DIAPH3: variants seen among roughly 807,000 people sequenced by gnomAD.
DIAPH3 encodes protein diaphanous homolog 3.
A neutral mutation model predicts 144.3 loss-of-function variants in DIAPH3; 117 were observed. The observed-to-expected ratio is 0.81, with a 90% CI of 0.70 to 0.95. The LOEUF (loss-of-function observed/expected upper bound fraction) is 0.95. DIAPH3 is among the 40% of genes least tolerant of loss of function. The pLI is 0.00. For synonymous variants in DIAPH3, 519 were observed against 488.9 expected, an observed-to-expected ratio of 1.06 and a Z score of -0.81; for missense variants, 1,421 against 1,412.7, an observed-to-expected ratio of 1.01 and a Z score of -0.09.
At chr13:60,029,354 C>A (rs541969968) in intron 5 of DIAPH3, among the ~76,000 whole-genome samples, 2 of 152,086 alleles carry the variant, frequency 1.3e-5, no homozygotes, top group Non-Finnish European at 2.9e-5. Context: ...CTATCTCACA[C>A]CTTCTTGTCC....
intron 27 of DIAPH3, among the ~76,000 whole-genome samples, chr13:59,738,900 C>A (rs956675641): frequency 1.3e-5 from 2 of 152,196 alleles, no homozygotes; most frequent in African/African-American, 4.8e-5. Context: ...ATCATCTGTC[C>A]ATAAAAACTT....
Position 59,970,971 on chromosome 13 carries a change from G to GT in DIAPH3, c.1839dup (p.Pro614ThrfsTer28), listed in dbSNP as rs762200908. On this transcript the variant is annotated frameshift_variant, in exon 16 of 28. Coordinates refer to ENST00000400324, the MANE Select transcript of DIAPH3 (RefSeq NM_001042517.2). LOFTEE classifies it high-confidence loss of function. ...TGTCCTCCAAGGAATCCCAGGGGAG[G>GT]TGGTGGAGGCACAGGACCACTGAAT... 6.2e-7 allele frequency: 1 copy of GT among 1,613,978 alleles called. No individual in the cohort carries two copies. The highest frequency in any genetic ancestry group is 1.7e-5 in the Admixed American group (1 of 60,012).
At chr13:60,009,074 T>C (rs1004165804) in intron 8 of DIAPH3, among the ~76,000 whole-genome samples, 2 of 152,202 alleles carry the variant, frequency 1.3e-5, no homozygotes, top group Admixed American at 1.3e-4. Context: ...AGACAGTTTA[T>C]GTGGTGGGCA....
chr13:59,756,444 A>G (rs112089901), intron 27 of DIAPH3, among the ~76,000 whole-genome samples: 36,599 of 120,216 alleles, frequency 0.3, 5,157 homozygotes, highest in African/African-American at 0.38. Flanking sequence ...AAGGAAGGAA[A>G]GAAGGAAGGA....
Position 60,095,757 on chromosome 13 carries a change from T to C in DIAPH3, c.391-2025A>G, listed in dbSNP as rs533638810. 2.6e-5 allele frequency among the ~76,000 whole-genome samples: 4 copies of C among 152,340 alleles called. No individual in the cohort carries two copies. The South Asian group carries it at 8.3e-4, about 32-fold the overall frequency. On this transcript the variant is annotated intron_variant, in intron 3 of 27. Coordinates refer to ENST00000400324, the MANE Select transcript of DIAPH3 (RefSeq NM_001042517.2). ...ATTATTACATATTAAATACTTTGTA[T>C]TGCATAGTTTTACTTTACTGAATTT...
rs566334181 is a variant in DIAPH3 at position 60,143,558 on chromosome 13, A to G, written c.181-10569T>C. ...CCTTCACAGTAAGATCCATATAGGC[A>G]TCACCTGGGTTCAGCTCACTCATTC... On this transcript the variant is annotated intron_variant, in intron 1 of 27. Transcript: ENST00000400324. Among the ~76,000 whole-genome samples the G allele has an allele frequency of 4.6e-5, 7 of 152,332 alleles. No homozygotes were observed. In the South Asian group the frequency reaches 1.5e-3, roughly 32 times the overall value.
At chr13:59,713,561 G>C (rs761572350) in intron 27 of DIAPH3, among the ~76,000 whole-genome samples, 3 of 152,176 alleles carry the variant, frequency 2.0e-5, no homozygotes, top group Non-Finnish European at 2.9e-5. Context: ...GACTGGATAA[G>C]ATCTGTTTTA....
At chr13:60,078,780 A>G (rs1330983247) in intron 4 of DIAPH3, among the ~76,000 whole-genome samples, 2 of 151,998 alleles carry the variant, frequency 1.3e-5, no homozygotes, top group Non-Finnish European at 2.9e-5. Flanking sequence ...GTATAGACAA[A>G]TACATATATA....
intron 20 of DIAPH3, 21 bp from the exon 21 acceptor site, chr13:59,879,489 A>G: frequency 6.2e-7 from 1 of 1,613,240 alleles, no homozygotes; most frequent in Non-Finnish European, 8.5e-7. Context: ...AGAAAACAGC[A>G]GATTTCCTTT....
chr13:60,015,969 C>T lies in DIAPH3; in HGVS notation c.715G>A (p.Val239Ile). ...LISGKIQEKV[V>I]KKNQHKVIQC... ...ATGACTTTATGTTGATTTTTCTTTA[C>T]AACTTTTTCTTGGCTGTATTGACAT... Residue 239 changes from valine (V) to isoleucine (I), a missense_variant, in exon 7 of 28, where the codon GTA (valine) becomes ATA (isoleucine). Transcript: ENST00000400324. The T allele has an allele frequency of 3.1e-6, 5 of 1,613,286 alleles. No homozygotes were observed. The highest frequency in any genetic ancestry group is 4.2e-6 in the Non-Finnish European group (5 of 1,179,654).
chr13:59,952,575 G>GA (rs1224893313), intron 17 of DIAPH3, among the ~76,000 whole-genome samples: 4 of 151,382 alleles, frequency 2.6e-5, no homozygotes, highest in East Asian at 1.9e-4. Context: ...AAAACAGAAG[G>GA]AAAAAAAAGG....
intron 4 of DIAPH3, among the ~76,000 whole-genome samples, chr13:60,074,116 C>T (rs571515606): frequency 7.2e-5 from 11 of 152,302 alleles, no homozygotes; most frequent in Admixed American, 7.2e-4. Context: ...AAGATGCTGA[C>T]GACAATCCAG....
At chr13:59,673,695 C>T (rs775689501) in intron 27 of DIAPH3, among the ~76,000 whole-genome samples, 1 of 152,100 alleles carries the variant, frequency 6.6e-6, no homozygotes, top group Non-Finnish European at 1.5e-5. Flanking sequence ...GAGATGGGTA[C>T]GGGAGCTTGA....
At chr13:59,713,238 G>T (rs1371036549) in intron 27 of DIAPH3, among the ~76,000 whole-genome samples, 1 of 140,842 alleles carries the variant, frequency 7.1e-6, no homozygotes, top group Non-Finnish European at 1.6e-5. Context: ...TAATCTGAAG[G>T]TTTTTTTTTT....
chr13:59,827,184 G>A (rs1209702781), intron 24 of DIAPH3, among the ~76,000 whole-genome samples: 4 of 151,910 alleles, frequency 2.6e-5, no homozygotes, highest in Admixed American at 2.0e-4. Flanking sequence ...TGACAAATGG[G>A]ATCTAATTAA....
chr13:59,687,543 T>C (rs1230177366), intron 27 of DIAPH3, among the ~76,000 whole-genome samples: 38 of 152,068 alleles, frequency 2.5e-4, no homozygotes, highest in Non-Finnish European at 8.8e-5. Context: ...TTTATGAGGC[T>C]AAGAATACAG....
rs1686557432 is a variant in DIAPH3 at position 59,709,510 on chromosome 13, G to C, written c.3320-42664C>G. ...CATGAAAAAATGCTCACCATCACTG[G>C]CCATCAGAGAAATGCAAATCAAAAT... On this transcript the variant is annotated intron_variant, in intron 27 of 27. Transcript: ENST00000400324. Among the ~76,000 whole-genome samples, 4 of 152,222 alleles carry C rather than the reference G, an allele frequency of 2.6e-5. No individual in the cohort carries two copies. In the South Asian group the frequency reaches 8.3e-4, roughly 32 times the overall value.
At chr13:60,141,728 G>A (rs1000085416) in intron 1 of DIAPH3, among the ~76,000 whole-genome samples, 5 of 152,082 alleles carry the variant, frequency 3.3e-5, no homozygotes, top group Non-Finnish European at 7.4e-5. Flanking sequence ...TGCCCTAAAA[G>A]AACTTATCTT....
At chr13:60,076,982 CA>C in intron 4 of DIAPH3, among the ~76,000 whole-genome samples, 1 of 151,960 alleles carries the variant, frequency 6.6e-6, no homozygotes, top group South Asian at 2.1e-4. Context: ...CATAAGTAGA[CA>C]AAACAAAGCA....
Sources: gnomAD v4.1 joint callset for allele counts (sites outside exome capture counted in the v4.1 genomes callset) on GRCh38, gnomAD v4.1.1 for gene constraint, MANE v1.5 for transcripts, NCBI Gene and HGNC (gene_info 2026-07-23, HGNC 2026-07-21) for gene names.